Variants in DIS3L2 observed in about 807,000 individuals in gnomAD.
DIS3L2 encodes the protein DIS3 like 3'-5' exoribonuclease 2.
In DIS3L2, 34 loss-of-function variants were observed where a neutral mutation model predicts 97.5. That is an observed-to-expected ratio of 0.35 (90% confidence interval 0.27 to 0.46). The LOEUF is 0.46. Among genes scored for constraint, DIS3L2 ranks in the 20% least tolerant of loss-of-function variants. The probability of loss-of-function intolerance (pLI) is 1.00; values close to 1 mark genes in which losing one functional copy is unlikely to be tolerated. For missense variants in DIS3L2, 1,038 were observed against 1,146.0 expected, an observed-to-expected ratio of 0.91 and a Z score of 1.36; for synonymous variants, 435 against 445.2, an observed-to-expected ratio of 0.98 and a Z score of 0.29.
At chr2:231,962,767 A>C (rs1400343362) in intron 1 of DIS3L2, among the ~76,000 whole-genome samples, 1 of 152,044 alleles carries the variant, frequency 6.6e-6, no homozygotes, top group African/African-American at 2.4e-5. Flanking sequence ...ATGTGCGCTC[A>C]ATGTTTCTAC....
At chr2:231,969,497 G>A (rs1475776321) in intron 1 of DIS3L2, among the ~76,000 whole-genome samples, 1 of 151,962 alleles carries the variant, frequency 6.6e-6, no homozygotes. Flanking sequence ...TTTCAGTCGA[G>A]ACGGGGTTTC....
chr2:232,080,754 A>C (rs1172758916), intron 5 of DIS3L2, among the ~76,000 whole-genome samples: 1 of 152,058 alleles, frequency 6.6e-6, no homozygotes, highest in Non-Finnish European at 1.5e-5. Flanking sequence ...TACAAAAATT[A>C]GCCAGGTATG....
intron 9 of DIS3L2, among the ~76,000 whole-genome samples, chr2:232,205,238 A>ATATATAT (rs1691998820): frequency 1.4e-5 from 2 of 144,178 alleles, no homozygotes; most frequent in African/African-American, 5.1e-5. Context: ...ATATATATAT[A>ATATATAT]AAATGCAGTG....
chr2:232,255,385 G>C (rs1040486839), intron 12 of DIS3L2, among the ~76,000 whole-genome samples: 5 of 152,192 alleles, frequency 3.3e-5, no homozygotes, highest in Middle Eastern at 3.2e-3. Flanking sequence ...TTGAAGTGGA[G>C]AAAGCTCTGT....
chr2:232,207,867 A>G (rs1053544872), intron 9 of DIS3L2, among the ~76,000 whole-genome samples: 3 of 152,182 alleles, frequency 2.0e-5, no homozygotes, highest in African/African-American at 4.8e-5. Context: ...TATCTGATCA[A>G]TTGTTTTTTG....
rs529938280 is a variant in DIS3L2 at position 232,241,141 on chromosome 2, G to A, written c.1317+2496G>A. ...CTGTGCGCTCTGATTCCTTTGAACC[G>A]CTGCTCTGACCTTTCTTCCTACTCG... On this transcript the variant is annotated intron_variant, in intron 11 of 20. Transcript: ENST00000325385. Among the ~76,000 whole-genome samples, 94 of 152,186 alleles carry A rather than the reference G, an allele frequency of 6.2e-4. 1 individual carries two copies. Among genetic ancestry groups the A allele is most frequent in the Non-Finnish European group, 9.4e-4 (64 of 68,036 alleles).
rs777879591 is a variant in DIS3L2 at position 232,263,341 on chromosome 2, T to C, written c.1560T>C (p.His520=). Residue 520 remains histidine (H), a synonymous_variant, in exon 13 of 21, where the codon CAT becomes CAC. Transcript: ENST00000325385. ...AKELPPISPE[H]SSEEVHQAVL... The stretch of plus-strand genomic sequence containing the variant: ...AGCTGCCCCCCATTTCCCCAGAGCA[T>C]AGCAGCGAGGAGGTACACCAGGCCG... 1 of 1,614,052 alleles carries C rather than the reference T, an allele frequency of 6.2e-7. No individual in the cohort carries two copies. The highest frequency in any genetic ancestry group is 1.6e-4 in the Middle Eastern group (1 of 6,084).
Position 232,269,647 on chromosome 2 carries a change from TA to T in DIS3L2, c.1659+6211del, listed in dbSNP as rs1196230257. The stretch of plus-strand genomic sequence containing the variant: ...AGAAGTAGTGGGGCATTAGGCCTTC[TA>T]AAAGACTTGAGGGTCTAGCCAGGCT... On this transcript the variant is annotated intron_variant, in intron 13 of 20. Coordinates refer to ENST00000325385, the MANE Select transcript of DIS3L2 (RefSeq NM_152383.5). This position sits in a 1 kb window ranked among gnomAD's most constrained non-coding sequence, Gnocchi z 4.5. 6.6e-6 allele frequency among the ~76,000 whole-genome samples: 1 copy of T among 152,088 alleles called. No homozygotes were observed. The highest frequency in any genetic ancestry group is 1.5e-5 in the Non-Finnish European group (1 of 68,028).
downstream of DIS3L2, chr2:232,341,025 C>CT: frequency 2.2e-6 from 1 of 445,150 alleles, no homozygotes; most frequent in Non-Finnish European, 4.6e-6. Context: ...CAAAAAGTTC[C>CT]TAGAGAGCAA....
chr2:232,296,512 A>T (rs937434614), intron 13 of DIS3L2, among the ~76,000 whole-genome samples: 1 of 152,098 alleles, frequency 6.6e-6, no homozygotes, highest in African/African-American at 2.4e-5. Flanking sequence ...TGTGGGAGGG[A>T]CCCAGTGGGA....
At chr2:231,997,356 G>A (rs1445374636) in intron 1 of DIS3L2, among the ~76,000 whole-genome samples, 3 of 152,170 alleles carry the variant, frequency 2.0e-5, no homozygotes, top group African/African-American at 7.2e-5. Context: ...TAAAATATAA[G>A]TGAGTAAAGT....
chr2:232,130,450 T>A lies in DIS3L2; in HGVS notation c.602-169T>A, dbSNP rs114918841. On this transcript the variant is annotated intron_variant, in intron 6 of 20. Coordinates refer to ENST00000325385, the MANE Select transcript of DIS3L2 (RefSeq NM_152383.5). ...GCTGAGGCTGAGTGCTCAGCCTGAG[T>A]ATAATACTGGTATGTGACAGGTCCA... Among the ~76,000 whole-genome samples the A allele has an allele frequency of 1.5e-3, 231 of 152,296 alleles. 1 individual carries two copies. Among genetic ancestry groups the A allele is most frequent in the African/African-American group, 5.1e-3 (211 of 41,572 alleles).
At chr2:232,200,573 T>G (rs1028554532) in intron 9 of DIS3L2, among the ~76,000 whole-genome samples, 2 of 151,798 alleles carry the variant, frequency 1.3e-5, no homozygotes, top group African/African-American at 4.9e-5. Flanking sequence ...TAATGGATTA[T>G]AACACAGTGA....
chr2:231,988,122 C>T (rs112657300), intron 1 of DIS3L2, among the ~76,000 whole-genome samples: 5,303 of 152,268 alleles, frequency 0.035, 128 homozygotes, highest in African/African-American at 0.057. Context: ...GGATTATAGG[C>T]GTGAGCCACC....
At chr2:232,043,024 G>A (rs533336499) in intron 5 of DIS3L2, among the ~76,000 whole-genome samples, 4 of 152,286 alleles carry the variant, frequency 2.6e-5, no homozygotes, top group East Asian at 1.9e-4. Context: ...CACATTTACT[G>A]ACAGAAGACA....
At chr2:232,120,086 A>G (rs999285143) in intron 6 of DIS3L2, among the ~76,000 whole-genome samples, 1 of 152,184 alleles carries the variant, frequency 6.6e-6, no homozygotes, top group African/African-American at 2.4e-5. Context: ...AGCCTCTACC[A>G]TAAGATGTAG....
intron 8 of DIS3L2, among the ~76,000 whole-genome samples, chr2:232,158,310 T>G (rs1690555607): frequency 7.2e-6 from 1 of 138,956 alleles, no homozygotes; most frequent in African/African-American, 2.8e-5. Context: ...TTATATCGTG[T>G]GTGTGTGTGT....
chr2:232,166,464 G>A (rs1349143849), intron 9 of DIS3L2, among the ~76,000 whole-genome samples: 1 of 152,142 alleles, frequency 6.6e-6, no homozygotes, highest in Non-Finnish European at 1.5e-5. Flanking sequence ...GTGGCTCAAC[G>A]CCTGTAATCC....
intron 14 of DIS3L2, among the ~76,000 whole-genome samples, chr2:232,309,303 G>T (rs1695063079): frequency 6.6e-6 from 1 of 152,180 alleles, no homozygotes; most frequent in African/African-American, 2.4e-5. Context: ...ACTTGCGTCA[G>T]TTCAGATCTG....
Sources: allele counts gnomAD v4.1 joint callset (sites outside exome capture counted in the v4.1 genomes callset), GRCh38; gene constraint gnomAD v4.1.1; non-coding constraint Gnocchi (gnomAD v3.1); transcripts MANE v1.5; gene names NCBI Gene and HGNC (gene_info 2026-07-23, HGNC 2026-07-21).